Variants in FER1L6 observed in about 807,000 individuals in gnomAD.
FER1L6 encodes the protein fer-1-like protein 6.
A neutral mutation model predicts 219.2 loss-of-function variants in FER1L6; 177 were observed. The ratio of observed to expected loss-of-function variants is 0.81; its 90% confidence interval spans 0.71 to 0.91. The LOEUF (loss-of-function observed/expected upper bound fraction) is 0.91, where lower values mean the gene tolerates loss of function less well. Ranked by LOEUF, FER1L6 falls within the 40% of genes least tolerant of loss-of-function variation. The probability of loss-of-function intolerance (pLI) is 0.00; values close to 1 mark genes in which losing one functional copy is unlikely to be tolerated. For synonymous variants in FER1L6, 768 were observed against 824.3 expected, an observed-to-expected ratio of 0.93 and a Z score of 1.17; for missense variants, 2,153 against 2,259.9, an observed-to-expected ratio of 0.95 and a Z score of 0.96.
chr8:123,958,001 C>G (rs1253059659), intron 2 of FER1L6, among the ~76,000 whole-genome samples: 1 of 152,190 alleles, frequency 6.6e-6, no homozygotes, highest in East Asian at 1.9e-4. Context: ...AAGTCTCTTG[C>G]TTTTTCATCT....
At chr8:123,945,476 A>C (rs1210637248) in intron 1 of FER1L6, among the ~76,000 whole-genome samples, 1 of 152,256 alleles carries the variant, frequency 6.6e-6, no homozygotes, top group African/African-American at 2.4e-5. Flanking sequence ...AAATGCCTTC[A>C]AAGTTATGTT....
chr8:124,092,064 A>G (rs17358240), intron 34 of FER1L6, among the ~76,000 whole-genome samples: 2,882 of 152,238 alleles, frequency 0.019, 27 homozygotes, highest in Middle Eastern at 0.034. Context: ...CCAAGTTCAG[A>G]TACAACCATG....
chr8:124,001,177 G>T (rs1014601930), intron 12 of FER1L6, among the ~76,000 whole-genome samples: 9 of 152,292 alleles, frequency 5.9e-5, no homozygotes, highest in African/African-American at 1.9e-4. Flanking sequence ...GCTGCATATG[G>T]GAGTGTCCCC....
intron 4 of FER1L6, 29 bp downstream of exon 4, chr8:123,966,090 T>G (rs759816486): frequency 6.2e-7 from 1 of 1,613,506 alleles, no homozygotes; most frequent in East Asian, 2.2e-5. Flanking sequence ...CTGCCCAGCC[T>G]CCCCCAGTGC....
At chr8:124,069,998 C>T (rs961299012) in intron 29 of FER1L6, among the ~76,000 whole-genome samples, 3 of 152,158 alleles carry the variant, frequency 2.0e-5, no homozygotes, top group African/African-American at 7.2e-5. Flanking sequence ...TAAAACTCAA[C>T]TCAATTTTGC....
intron 26 of FER1L6, among the ~76,000 whole-genome samples, chr8:124,065,168 T>C (rs1170594168): frequency 6.6e-6 from 1 of 150,988 alleles, no homozygotes; most frequent in African/African-American, 2.4e-5. Flanking sequence ...CCGAGGTGAG[T>C]AGATCACTCG....
At chr8:123,989,472 A>G (rs745971984) in intron 12 of FER1L6, among the ~76,000 whole-genome samples, 3 of 152,148 alleles carry the variant, frequency 2.0e-5, no homozygotes, top group Admixed American at 6.5e-5. Flanking sequence ...ATCCTTGGTG[A>G]AGTCCATGAT....
At chr8:124,004,311 A>G (rs1586579057) in intron 13 of FER1L6, 1 of 152,194 alleles carries the variant, frequency 6.6e-6, no homozygotes, top group South Asian at 2.1e-4. Context: ...GGGATAGTGT[A>G]CTGAGAGTCT....
intron 13 of FER1L6, among the ~76,000 whole-genome samples, chr8:124,007,929 T>C (rs1478680238): frequency 6.6e-6 from 1 of 152,216 alleles, no homozygotes; most frequent in Non-Finnish European, 1.5e-5. Context: ...CACTTACATC[T>C]GTTATCTTTT....
rs7008210 is a variant in FER1L6 at position 123,969,885 on chromosome 8, A to G, written c.385-150A>G. The G allele has an allele frequency of 3.7e-4, 199 of 531,418 alleles. 2 individuals are homozygous for G. The highest frequency in any genetic ancestry group is 1.3e-4 in the Non-Finnish European group (37 of 291,410). 32.9% of individuals were successfully genotyped at this position (531,418 alleles called of 1,614,324 possible). A position where few individuals can be genotyped will look rare whatever the true frequency, so the allele number is the denominator to read the frequency against. ...CTGTCTCCAAAAAAAAAAAAAAAAA[A>G]AGAGAATTGACAATTGACAATCAAT... On this transcript the variant is annotated intron_variant, in intron 5 of 40. Transcript: ENST00000522917.
Position 124,101,278 on chromosome 8 carries a change from C to A in FER1L6, c.5065C>A (p.Pro1689Thr). 6.2e-7 allele frequency: 1 copy of A among 1,613,832 alleles called. No homozygotes were observed. Among genetic ancestry groups the A allele is most frequent in the Non-Finnish European group, 8.5e-7 (1 of 1,179,842 alleles). ...FSLEKMECKT[P>T]AVLVLQVWDF... ...TTTAGAGAAGATGGAGTGTAAGACTCCTGCTGTGTTGGTGCTGCAGGTTTG... is the reference window on the plus strand; with the variant it reads ...TTTAGAGAAGATGGAGTGTAAGACTACTGCTGTGTTGGTGCTGCAGGTTTG... Residue 1689 changes from proline to threonine, a missense_variant, in exon 38 of 41, where the codon CCT becomes ACT. Coordinates refer to ENST00000522917, the MANE Select transcript of FER1L6 (RefSeq NM_001039112.2).
intron 38 of FER1L6, 39 bp downstream of exon 38, chr8:124,101,377 G>C (rs555184171): frequency 1.3e-6 from 2 of 1,584,728 alleles, no homozygotes; most frequent in African/African-American, 1.3e-5. Flanking sequence ...TTAATGTTAA[G>C]GGTTTTGTCT....
At chr8:124,063,085 C>T (rs1820663037) in intron 25 of FER1L6, among the ~76,000 whole-genome samples, 1 of 152,316 alleles carries the variant, frequency 6.6e-6, no homozygotes, top group African/African-American at 2.4e-5. Context: ...CCTTCATACC[C>T]TTGCTGCCAT....
chr8:123,989,359 T>A (rs1816745527), intron 12 of FER1L6, among the ~76,000 whole-genome samples: 1 of 152,238 alleles, frequency 6.6e-6, no homozygotes. Context: ...TATTCCCTCC[T>A]CTTCCATTTT....
intron 1 of FER1L6, among the ~76,000 whole-genome samples, chr8:123,888,303 G>A (rs1817242152): frequency 6.6e-6 from 1 of 152,008 alleles, no homozygotes; most frequent in Admixed American, 6.5e-5. Flanking sequence ...TTTTAGTACA[G>A]ATGGGGCTTC....
chr8:124,005,596 G>A (rs1817622044), intron 13 of FER1L6, among the ~76,000 whole-genome samples: 1 of 152,222 alleles, frequency 6.6e-6, no homozygotes, highest in Non-Finnish European at 1.5e-5. Flanking sequence ...TCTCTCCTCT[G>A]TTAAACTGGG....
At chr8:123,973,306 T>C in intron 6 of FER1L6, 128 bp from the exon 7 acceptor site, 1 of 688,240 alleles carries the variant, frequency 1.5e-6, no homozygotes, top group Non-Finnish European at 2.6e-6. Flanking sequence ...CTTCTGGAGG[T>C]CCTTTACAGC....
At chr8:124,078,494 T>A (rs919941762) in intron 32 of FER1L6, among the ~76,000 whole-genome samples, 1 of 152,220 alleles carries the variant, frequency 6.6e-6, no homozygotes, top group African/African-American at 2.4e-5. Flanking sequence ...ACATGCCTTT[T>A]CTTTTCTTGT....
intron 1 of FER1L6, among the ~76,000 whole-genome samples, chr8:123,954,087 T>G (rs776833644): frequency 2.6e-5 from 4 of 152,204 alleles, no homozygotes; most frequent in Non-Finnish European, 5.9e-5. Context: ...TTACCTCATT[T>G]TATTCTAACA....
Sources: gnomAD v4.1 joint callset for allele counts (sites outside exome capture counted in the v4.1 genomes callset) on GRCh38, gnomAD v4.1.1 for gene constraint, MANE v1.5 for transcripts, NCBI Gene and HGNC (gene_info 2026-07-23, HGNC 2026-07-21) for gene names.